The following CCDC73 variants were observed in gnomAD, a reference collection of about 807,000 sequenced individuals.
CCDC73 encodes coiled-coil domain-containing protein 73.
CCDC73 carries 95 observed loss-of-function variants against 116.5 expected under a neutral mutation model. The observed-to-expected ratio is 0.82, with a 90% CI of 0.69 to 0.97. The LOEUF is 0.97. Ranked by LOEUF, CCDC73 falls within the 50% of genes least tolerant of loss-of-function variation. The pLI, the probability that CCDC73 is intolerant of heterozygous loss-of-function variation, is 0.00. For synonymous variants in CCDC73, 398 were observed against 401.3 expected, an observed-to-expected ratio of 0.99 and a Z score of 0.10; for missense variants, 1,066 against 1,206.8, an observed-to-expected ratio of 0.88 and a Z score of 1.73.
intron 6 of CCDC73, among the ~76,000 whole-genome samples, chr11:32,688,430 G>T (rs1856224975): frequency 6.6e-6 from 1 of 152,164 alleles, no homozygotes; most frequent in Admixed American, 6.5e-5. Flanking sequence ...CAGACTGAAA[G>T]AGATTAAAGA....
the CCDC73 span, among the ~76,000 whole-genome samples, chr11:32,801,659 A>G: frequency 1.3e-5 from 2 of 151,428 alleles, no homozygotes; most frequent in Non-Finnish European, 2.9e-5. Context: ...AAAAACAAAC[A>G]CTAACAAAAT....
chr11:32,629,487 A>G (rs987224069), intron 14 of CCDC73, among the ~76,000 whole-genome samples: 13 of 150,384 alleles, frequency 8.6e-5, no homozygotes, highest in African/African-American at 3.2e-4. Context: ...CACAAACTCC[A>G]CCTCCCGGGT....
intron 2 of CCDC73, among the ~76,000 whole-genome samples, chr11:32,736,403 T>C (rs939859031): frequency 1.3e-5 from 2 of 151,950 alleles, no homozygotes; most frequent in African/African-American, 2.4e-5. Context: ...AAAAGACACA[T>C]GAAAAAATGC....
chr11:32,813,960 A>G, the CCDC73 span, among the ~76,000 whole-genome samples: 1 of 152,192 alleles, frequency 6.6e-6, no homozygotes, highest in South Asian at 2.1e-4. Flanking sequence ...TCATTGTATT[A>G]TACTGAATTA....
At chr11:32,668,376 C>A (rs1856007036) in intron 9 of CCDC73, among the ~76,000 whole-genome samples, 1 of 151,988 alleles carries the variant, frequency 6.6e-6, no homozygotes, top group Non-Finnish European at 1.5e-5. Context: ...CTTAAATATC[C>A]TGTAGTACCT....
chr11:32,766,223 T>C (rs934145670), intron 1 of CCDC73, among the ~76,000 whole-genome samples: 6 of 152,314 alleles, frequency 3.9e-5, no homozygotes, highest in African/African-American at 1.4e-4. Context: ...ATTATCTCAA[T>C]AGATGCAGAA....
chr11:32,820,461 T>A, the CCDC73 span, among the ~76,000 whole-genome samples: 1 of 152,166 alleles, frequency 6.6e-6, no homozygotes, highest in Non-Finnish European at 1.5e-5. Flanking sequence ...CATCCTTAAC[T>A]TTTTAATATA....
the CCDC73 span, among the ~76,000 whole-genome samples, chr11:32,810,464 G>A: frequency 1.3e-5 from 2 of 152,102 alleles, no homozygotes; most frequent in African/African-American, 4.8e-5. Flanking sequence ...AAAGTCACAC[G>A]ATTAATTAAA....
At chr11:32,715,204 C>T (rs1590609538) in intron 3 of CCDC73, among the ~76,000 whole-genome samples, 1 of 152,072 alleles carries the variant, frequency 6.6e-6, no homozygotes, top group Non-Finnish European at 1.5e-5. Flanking sequence ...TTCAAAGGTC[C>T]TTATCCTTAA....
chr11:32,761,843 T>C (rs143984184), intron 1 of CCDC73, among the ~76,000 whole-genome samples: 50 of 152,252 alleles, frequency 3.3e-4, no homozygotes, highest in African/African-American at 1.0e-3. Flanking sequence ...CTGAAATCTT[T>C]AGGGCTGACC....
At chr11:32,685,149 GATTTT>G (rs996956327) in intron 6 of CCDC73, among the ~76,000 whole-genome samples, 25 of 150,828 alleles carry the variant, frequency 1.7e-4, no homozygotes, top group African/African-American at 4.4e-4. Flanking sequence ...TGAATGAGCT[GATTTT>G]ATTTTATTTT....
At chr11:32,817,532 C>T in the CCDC73 span, among the ~76,000 whole-genome samples, 3 of 152,176 alleles carry the variant, frequency 2.0e-5, no homozygotes, top group Non-Finnish European at 4.4e-5. Flanking sequence ...TTAACATTGC[C>T]TTGAACAGTC....
At chr11:32,753,274 A>ATT (rs1850303327) in intron 2 of CCDC73, among the ~76,000 whole-genome samples, 1 of 144,782 alleles carries the variant, frequency 6.9e-6, no homozygotes, top group Non-Finnish European at 1.5e-5. Context: ...TTTTCTTTGC[A>ATT]TTTAGTTTTT....
chr11:32,609,788 T>A (rs573439309), intron 17 of CCDC73, among the ~76,000 whole-genome samples: 7 of 152,178 alleles, frequency 4.6e-5, no homozygotes, highest in African/African-American at 1.7e-4. Flanking sequence ...GCAATTTTTT[T>A]TATTTTTTTG....
the CCDC73 span, among the ~76,000 whole-genome samples, chr11:32,819,437 G>A: frequency 1.5e-4 from 22 of 149,844 alleles, no homozygotes; most frequent in East Asian, 4.3e-3. Context: ...CAATGAGTGT[G>A]TAAAAATATG....
intron 6 of CCDC73, among the ~76,000 whole-genome samples, chr11:32,687,437 G>T (rs984169871): frequency 6.6e-6 from 1 of 152,154 alleles, no homozygotes; most frequent in African/African-American, 2.4e-5. Flanking sequence ...CAGAATGGTG[G>T]ACTGGTTATG....
At chr11:32,783,071 A>C (rs1850597054) in intron 1 of CCDC73, among the ~76,000 whole-genome samples, 1 of 152,134 alleles carries the variant, frequency 6.6e-6, no homozygotes, top group Non-Finnish European at 1.5e-5. Context: ...TCACATATTA[A>C]AAGAACCCAT....
chr11:32,786,558 A>C (rs996166008), intron 1 of CCDC73, among the ~76,000 whole-genome samples: 1 of 148,782 alleles, frequency 6.7e-6, no homozygotes, highest in African/African-American at 2.4e-5. Flanking sequence ...CCAATATAAT[A>C]TTATAAAATG....
the CCDC73 span, among the ~76,000 whole-genome samples, chr11:32,810,422 A>G: frequency 2.0e-5 from 3 of 152,218 alleles, no homozygotes. Flanking sequence ...TTTTTAGGAA[A>G]CTGAGGTTCA....
Sources: gnomAD v4.1 joint callset for allele counts (sites outside exome capture counted in the v4.1 genomes callset) on GRCh38, gnomAD v4.1.1 for gene constraint, MANE v1.5 for transcripts, NCBI Gene and HGNC (gene_info 2026-07-23, HGNC 2026-07-21) for gene names.